SPATA6L: variants seen among roughly 807,000 people sequenced by gnomAD.
SPATA6L encodes the protein spermatogenesis associated 6-like protein.
SPATA6L carries 68 observed loss-of-function variants against 49.2 expected under a neutral mutation model. That is an observed-to-expected ratio of 1.38 (90% CI 1.14 to 1.69). SPATA6L has a LOEUF of 1.69. SPATA6L is among the 40% of genes most tolerant of loss of function. The pLI is 0.00. For synonymous variants in SPATA6L, 198 were observed against 165.7 expected, an observed-to-expected ratio of 1.19 and a Z score of -1.50; for missense variants, 668 against 464.3, an observed-to-expected ratio of 1.44 and a Z score of -4.03.
intron 2 of SPATA6L, among the ~76,000 whole-genome samples, chr9:4,659,920 G>C (rs1056828182): frequency 1.3e-5 from 2 of 152,154 alleles, no homozygotes; most frequent in Admixed American, 6.6e-5. Flanking sequence ...ACAAAAACAA[G>C]AAATGGGGAA....
At chr9:4,618,339 T>TA (rs1828494939) in intron 8 of SPATA6L, among the ~76,000 whole-genome samples, 1 of 152,010 alleles carries the variant, frequency 6.6e-6, no homozygotes, top group Non-Finnish European at 1.5e-5. Context: ...TGGGATATAT[T>TA]AAAAAACCAA....
Position 4,662,469 on chromosome 9 carries a change from GGTGGCGGCGGCAGCA to G in SPATA6L, c.40-448_40-434del. 1 of 1,548,864 alleles carries G rather than the reference GGTGGCGGCGGCAGCA, an allele frequency of 6.5e-7. No individual in the cohort carries two copies. The highest frequency in any genetic ancestry group is 8.6e-7 in the Non-Finnish European group (1 of 1,156,734). Reference sequence around the variant, plus strand: ...CCCCGGCAGCCCAGCCCATGGCGGCGGTGGCGGCGGCAGCAGGTTTGAGTTCCAGTCCCTGCTCAG... The same window carrying G: ...CCCCGGCAGCCCAGCCCATGGCGGCGGGTTTGAGTTCCAGTCCCTGCTCAG... On this transcript the variant is annotated intron_variant, in intron 1 of 11. Coordinates refer to ENST00000682582, the MANE Select transcript of SPATA6L (RefSeq NM_001353486.2). The surrounding 1 kb of genome is among the most constrained non-coding windows in gnomAD (Gnocchi z 4.9).
intron 2 of SPATA6L, 31 bp from the exon 3 acceptor site, chr9:4,656,120 C>G: frequency 1.3e-6 from 2 of 1,589,436 alleles, no homozygotes; most frequent in Non-Finnish European, 1.7e-6. Flanking sequence ...AATAAATTTT[C>G]AAAGTTGTAT....
intron 11 of SPATA6L, among the ~76,000 whole-genome samples, chr9:4,601,766 G>A (rs1823355824): frequency 6.6e-6 from 1 of 152,210 alleles, no homozygotes; most frequent in Non-Finnish European, 1.5e-5. Flanking sequence ...CCACTGGGTT[G>A]TGTGTGGGGG....
chr9:4,634,832 G>A (rs531669948), intron 4 of SPATA6L, among the ~76,000 whole-genome samples: 4 of 152,234 alleles, frequency 2.6e-5, no homozygotes, highest in East Asian at 3.9e-4. Flanking sequence ...ATCAATTTGC[G>A]AGCCTCTGTC....
chr9:4,622,807 G>C lies in SPATA6L; in HGVS notation c.670-297C>G, dbSNP rs1829631291. On this transcript the variant is annotated intron_variant, in intron 6 of 11. Coordinates refer to ENST00000682582, the MANE Select transcript of SPATA6L (RefSeq NM_001353486.2). ...GGTAAGGATCCCGCACAGAAAGAGA[G>C]CAAGTGAAGCTTTATTTCACAATCT... Among the ~76,000 whole-genome samples the C allele has an allele frequency of 2.0e-5, 3 of 152,196 alleles. No homozygotes were observed. The South Asian group carries it at 6.2e-4, about 32-fold the overall frequency.
chr9:4,653,624 T>C (rs1047829059), intron 3 of SPATA6L, among the ~76,000 whole-genome samples: 8 of 152,260 alleles, frequency 5.3e-5, no homozygotes, highest in African/African-American at 1.4e-4. Flanking sequence ...GTCTTGTATC[T>C]AGGATATATA....
At chr9:4,629,429 T>C (rs900792053) in intron 4 of SPATA6L, among the ~76,000 whole-genome samples, 1 of 152,014 alleles carries the variant, frequency 6.6e-6, no homozygotes, top group Non-Finnish European at 1.5e-5. Context: ...TATAATAGTA[T>C]CTCCTCAACT....
intron 2 of SPATA6L, among the ~76,000 whole-genome samples, chr9:4,660,709 C>T (rs1295983670): frequency 6.6e-6 from 1 of 152,204 alleles, no homozygotes; most frequent in Non-Finnish European, 1.5e-5. Context: ...ATAAATCATG[C>T]TACTATAAAG....
downstream of SPATA6L, among the ~76,000 whole-genome samples, chr9:4,596,856 G>C (rs1252183617): frequency 1.3e-5 from 2 of 152,210 alleles, no homozygotes; most frequent in Non-Finnish European, 2.9e-5. Context: ...ACAGAGCAGG[G>C]TTTGCAAACT....
chr9:4,632,034 CTTTT>C (rs905629115), intron 4 of SPATA6L, among the ~76,000 whole-genome samples: 2 of 113,016 alleles, frequency 1.8e-5, no homozygotes, highest in African/African-American at 7.3e-5. Flanking sequence ...ACATCAGCTA[CTTTT>C]TTTTTTTTTT....
At chr9:4,616,076 A>G (rs1045993966) in intron 9 of SPATA6L, among the ~76,000 whole-genome samples, 1 of 152,134 alleles carries the variant, frequency 6.6e-6, no homozygotes, top group African/African-American at 2.4e-5. Flanking sequence ...GTTTGAGAAG[A>G]GCCTGGGCAA....
chr9:4,601,376 T>TTG (rs1554698428), intron 11 of SPATA6L, among the ~76,000 whole-genome samples: 64 of 151,410 alleles, frequency 4.2e-4, no homozygotes, highest in African/African-American at 1.5e-3. Flanking sequence ...AGGTTTTTTT[T>TTG]TTTGTTTGGT....
chr9:4,646,459 T>G (rs1366099060), intron 3 of SPATA6L: 6 of 1,479,290 alleles, frequency 4.1e-6, no homozygotes, highest in Non-Finnish European at 4.5e-6. Flanking sequence ...ATTAAGCTAA[T>G]TTAGAAACGG....
chr9:4,661,753 A>ACTGCGGTTTTGCTTCAAGGCCGG, intron 2 of SPATA6L, 146 bp downstream of exon 2: 1 of 1,072,018 alleles, frequency 9.3e-7, no homozygotes, highest in Non-Finnish European at 1.3e-6. Context: ...AAGTGTTCCG[A>ACTGCGGTTTTGCTTCAAGGCCGG]CTGCGGTTTT....
In SPATA6L at chr9:4,666,275, T is replaced by C. The variant is rs765829279; in HGVS notation, c.-25A>G. On this transcript the variant is annotated 5_prime_UTR_variant, in exon 1 of 12. Coordinates refer to ENST00000682582, the MANE Select transcript of SPATA6L (RefSeq NM_001353486.2). ...TCGTTCCCTGCGTGGGCGAAAGGACTGGAATGAGAAGATCCTTTTGTGCCG... is the reference window on the plus strand; with the variant it reads ...TCGTTCCCTGCGTGGGCGAAAGGACCGGAATGAGAAGATCCTTTTGTGCCG... The C allele has an allele frequency of 1.1e-5, 17 of 1,613,786 alleles. No homozygotes were observed. In the South Asian group the frequency reaches 1.8e-4, roughly 17 times the overall value.
At chr9:4,638,152 C>G (rs1038534195) in intron 3 of SPATA6L, among the ~76,000 whole-genome samples, 1 of 150,934 alleles carries the variant, frequency 6.6e-6, no homozygotes, top group Non-Finnish European at 1.5e-5. Context: ...GAGTAAATTA[C>G]TAGGAATAAA....
At chr9:4,663,037 T>C (rs1043581687) in intron 1 of SPATA6L, 16 of 1,613,782 alleles carry the variant, frequency 9.9e-6, no homozygotes, top group Non-Finnish European at 1.3e-5. Context: ...GCCGCCCTGA[T>C]GTCGAGGTTC....
chr9:4,602,600 T>C (rs1339815973), intron 11 of SPATA6L, among the ~76,000 whole-genome samples: 1 of 152,202 alleles, frequency 6.6e-6, no homozygotes, highest in Non-Finnish European at 1.5e-5. Flanking sequence ...ATTATTCTGA[T>C]CCTGCTGACA....
Sources: gnomAD v4.1 joint callset for allele counts (sites outside exome capture counted in the v4.1 genomes callset) on GRCh38, gnomAD v4.1.1 for gene constraint, Gnocchi (gnomAD v3.1) non-coding constraint, MANE v1.5 for transcripts, NCBI Gene and HGNC (gene_info 2026-07-23, HGNC 2026-07-21) for gene names.